Variants in H6PD observed in about 807,000 individuals in gnomAD.
H6PD encodes hexose-6-phosphate dehydrogenase/glucose 1-dehydrogenase.
In H6PD, 48 loss-of-function variants were observed where a neutral mutation model predicts 61.2. That is an observed-to-expected ratio of 0.78 (90% CI 0.62 to 1.00). H6PD has a LOEUF of 1.00. H6PD is among the 50% of genes least tolerant of loss of function. The pLI is 0.00. For synonymous variants in H6PD, 480 were observed against 457.9 expected (o/e 1.05, Z -0.62); for missense variants, 1,093 against 1,065.0 (o/e 1.03, Z -0.37).
rs890388260 is a variant in H6PD, at chr1:9,266,482, C to T, written c.*1613C>T. On this transcript the variant is annotated 3_prime_UTR_variant, in exon 5 of 5. Coordinates refer to ENST00000377403, the MANE Select transcript of H6PD (RefSeq NM_004285.4). Reference sequence around the variant, plus strand: ...TTAAAAACACCACAAAGCAAAATTCCCAGGACATGTGTAGTTTTGTTTGTT... The same window carrying T: ...TTAAAAACACCACAAAGCAAAATTCTCAGGACATGTGTAGTTTTGTTTGTT... 5.9e-5 allele frequency: 9 copies of T among 152,172 alleles called. No homozygotes were observed. The highest frequency in any genetic ancestry group is 2.2e-4 in the African/African-American group (9 of 41,438). The allele number at this position is 152,172 out of a possible 1,614,324, so 9.4% of individuals were successfully genotyped here. A position where few individuals can be genotyped will look rare whatever the true frequency, so the allele number is the denominator to read the frequency against.
At chr1:9,248,715 G>T (rs1245378191) in intron 3 of H6PD, among the ~76,000 whole-genome samples, 4 of 152,110 alleles carry the variant, frequency 2.6e-5, no homozygotes, top group Non-Finnish European at 4.4e-5. Context: ...GGGAGGCCAG[G>T]CAGGACTTCC....
chr1:9,238,289 T>A (rs375551466), intron 1 of H6PD, among the ~76,000 whole-genome samples: 12 of 152,034 alleles, frequency 7.9e-5, no homozygotes, highest in African/African-American at 2.7e-4. Context: ...AAAGAGGTAA[T>A]GGGTGGGAGG....
rs746120861 is a variant in H6PD, at chr1:9,263,628, T to C, written c.1135T>C (p.Cys379Arg). 6 of 1,614,228 alleles carry C rather than the reference T, an allele frequency of 3.7e-6. No homozygotes were observed. Among genetic ancestry groups the C allele is most frequent in the Non-Finnish European group, 5.1e-6 (6 of 1,180,032 alleles). The change falls in exon 5 of 5, where the codon TGT (cysteine) becomes CGT (arginine). Residue 379 changes from cysteine (C) to arginine (R), a missense_variant. Physicochemically the swap from Cys to Arg is radical, Grantham distance 180. Transcript: ENST00000377403. ...GATCTTGTTCAAGAACCAGGCCTGCTGTGTGCAGAGCGAAAAGCACTGGGC... is the reference window on the plus strand; with the variant it reads ...GATCTTGTTCAAGAACCAGGCCTGCCGTGTGCAGAGCGAAAAGCACTGGGC... ...ARILFKNQACCVQSEKHWAAA... is the reference protein window; with the variant it reads ...ARILFKNQACRVQSEKHWAAA...
rs767262518 is a variant in H6PD, at chr1:9,263,535, C to G, written c.1042C>G (p.Arg348Gly). 6.2e-7 allele frequency: 1 copy of G among 1,614,188 alleles called. No individual in the cohort carries two copies. The highest frequency in any genetic ancestry group is 2.2e-5 in the East Asian group (1 of 44,880). Reference sequence around the variant, plus strand: ...CGTCCTAGTGCACATTGACAACCTTCGCTGGGAGGGCGTGCCTTTCATCCT... The same window carrying G: ...CGTCCTAGTGCACATTGACAACCTTGGCTGGGAGGGCGTGCCTTTCATCCT... ...AAVLVHIDNL[R>G]WEGVPFILMS... is the part of the protein sequence containing the mutation. The change falls in exon 5 of 5, where the codon CGC becomes GGC. Residue 348 changes from arginine (R) to glycine (G), a missense_variant. Transcript: ENST00000377403.
intron 3 of H6PD, among the ~76,000 whole-genome samples, chr1:9,249,090 C>T (rs1641277985): frequency 6.6e-6 from 1 of 152,216 alleles, no homozygotes; most frequent in Admixed American, 6.5e-5. Context: ...TTGGCCCCAT[C>T]CCCAGCGAGG....
chr1:9,252,567 T>A (rs1410736664), intron 3 of H6PD, among the ~76,000 whole-genome samples: 2 of 152,226 alleles, frequency 1.3e-5, no homozygotes, highest in East Asian at 1.9e-4. Flanking sequence ...GAGCTTTTTT[T>A]AAAATTGAGA....
intron 3 of H6PD, among the ~76,000 whole-genome samples, chr1:9,250,492 A>C (rs1412701161): frequency 1.4e-5 from 1 of 74,026 alleles, no homozygotes; most frequent in Non-Finnish European, 2.7e-5. Flanking sequence ...CCCACTCCCC[A>C]CCCCACACAC....
intron 1 of H6PD, among the ~76,000 whole-genome samples, chr1:9,240,653 T>C (rs1260530764): frequency 1.3e-5 from 2 of 152,216 alleles, no homozygotes; most frequent in Non-Finnish European, 2.9e-5. Context: ...AACTTTTCAC[T>C]AAAGATTTTC....
At chr1:9,257,698 T>A (rs1641562781) in intron 3 of H6PD, among the ~76,000 whole-genome samples, 1 of 152,142 alleles carries the variant, frequency 6.6e-6, no homozygotes, top group African/African-American at 2.4e-5. Context: ...CCAGGGCCCC[T>A]CAGAAGGGGT....
At chr1:9,244,337 C>T (rs983058552) in intron 1 of H6PD, among the ~76,000 whole-genome samples, 3 of 152,210 alleles carry the variant, frequency 2.0e-5, no homozygotes, top group East Asian at 1.9e-4. Context: ...TGTGCACTTA[C>T]TAAGGGGTTG....
chr1:9,246,236 A>G (rs1337466275), intron 2 of H6PD, among the ~76,000 whole-genome samples: 2 of 152,038 alleles, frequency 1.3e-5, no homozygotes, highest in Non-Finnish European at 2.9e-5. Flanking sequence ...GAGCCACCGC[A>G]CCCTGCCCCA....
At chr1:9,237,293 C>T (rs1014849668) in intron 1 of H6PD, among the ~76,000 whole-genome samples, 5 of 120,156 alleles carry the variant, frequency 4.2e-5, no homozygotes, top group Admixed American at 1.2e-4. Flanking sequence ...TGCCCAGGGG[C>T]GCAATCTCAG....
intron 1 of H6PD, among the ~76,000 whole-genome samples, chr1:9,235,352 C>G (rs1458483526): frequency 6.6e-6 from 1 of 152,076 alleles, no homozygotes; most frequent in Admixed American, 6.5e-5. Context: ...GATTGGCCCT[C>G]GGGTTTCACA....
rs1638344540 is a variant in H6PD, at chr1:9,262,290, A to G, written c.977A>G (p.Lys326Arg). The change falls in exon 4 of 5, where the codon AAG becomes AGG. Residue 326 changes from lysine (K) to arginine (R), a missense_variant. Physicochemically the swap from Lys to Arg is conservative, Grantham distance 26. Coordinates refer to ENST00000377403, the MANE Select transcript of H6PD (RefSeq NM_004285.4). Reference sequence around the variant, plus strand: ...GAGCAGGTGCGCAGAGAGCTGCAGAAGCCAGACAGCTTCCACAGCCTGACG... The same window carrying G: ...GAGCAGGTGCGCAGAGAGCTGCAGAGGCCAGACAGCTTCCACAGCCTGACG... ...YSEQVRRELQ[K>R]PDSFHSLTPT... 2 of 1,608,600 alleles carry G rather than the reference A, an allele frequency of 1.2e-6. No homozygotes were observed. The highest frequency in any genetic ancestry group is 1.7e-6 in the Non-Finnish European group (2 of 1,177,606).
rs115867088 is a variant in H6PD at position 9,236,982 on chromosome 1, C to T, written c.-11+1916C>T. Among the ~76,000 whole-genome samples, 1,135 of 152,246 alleles carry T rather than the reference C, an allele frequency of 7.5e-3. 12 individuals carry two copies. Among genetic ancestry groups the T allele is most frequent in the African/African-American group, 0.026 (1,074 of 41,542 alleles). On this transcript the variant is annotated intron_variant, in intron 1 of 4. Coordinates refer to ENST00000377403, the MANE Select transcript of H6PD (RefSeq NM_004285.4). ...AGAACTGTGAAAGGCAAAGCGGACCCGGGAGGCAGAGGCTGGTTACCGCAG... is the reference window on the plus strand; with the variant it reads ...AGAACTGTGAAAGGCAAAGCGGACCTGGGAGGCAGAGGCTGGTTACCGCAG...
chr1:9,241,701 A>T (rs1470867871), intron 1 of H6PD, among the ~76,000 whole-genome samples: 1 of 152,192 alleles, frequency 6.6e-6, no homozygotes, highest in Non-Finnish European at 1.5e-5. Flanking sequence ...TGCCTGGCCT[A>T]ATTAGCTGAC....
chr1:9,237,236 CTTTTTTTTTTTTTT>C (rs370751354), intron 1 of H6PD, among the ~76,000 whole-genome samples: 4,575 of 71,180 alleles, frequency 0.064, 321 homozygotes, highest in African/African-American at 0.21. Flanking sequence ...TTTGACTTCT[CTTTTTTTTTTTTTT>C]TTTTTTTTTT....
rs79842393 is a variant in H6PD at position 9,249,069 on chromosome 1, T to G, written c.745+1986T>G. On this transcript the variant is annotated intron_variant, in intron 3 of 4. Coordinates refer to ENST00000377403, the MANE Select transcript of H6PD (RefSeq NM_004285.4). ...GCCAGCGGGCCGGCGCTTGCCCTTC[T>G]CTACCTGGACTTGGCCCCATCCCCA... Among the ~76,000 whole-genome samples, 31 of 152,326 alleles carry G rather than the reference T, an allele frequency of 2.0e-4. No homozygotes were observed. In the East Asian group the frequency reaches 5.8e-3, roughly 28 times the overall value.
At chr1:9,239,296 C>T (rs1570075492) in intron 1 of H6PD, among the ~76,000 whole-genome samples, 1 of 152,176 alleles carries the variant, frequency 6.6e-6, no homozygotes, top group African/African-American at 2.4e-5. Flanking sequence ...GTCCTCCCGT[C>T]TCAGTCTCCC....
Sources: gnomAD v4.1 joint callset for allele counts (sites outside exome capture counted in the v4.1 genomes callset) on GRCh38, gnomAD v4.1.1 for gene constraint, MANE v1.5 for transcripts, NCBI Gene and HGNC (gene_info 2026-07-23, HGNC 2026-07-21) for gene names.